POU6F2: variants seen among roughly 807,000 people sequenced by gnomAD.
POU6F2 encodes POU domain, class 6, transcription factor 2.
In POU6F2, 31 loss-of-function variants were observed where a neutral mutation model predicts 71.3. The observed-to-expected ratio is 0.43, with a 90% CI of 0.33 to 0.59. The LOEUF (loss-of-function observed/expected upper bound fraction) is 0.59, where lower values mean the gene tolerates loss of function less well. Ranked by LOEUF, POU6F2 falls within the 20% of genes least tolerant of loss-of-function variation. The pLI, the probability that POU6F2 is intolerant of heterozygous loss-of-function variation, is 0.04. For missense variants in POU6F2, 783 were observed against 856.8 expected (o/e 0.91, Z 1.07); for synonymous variants, 347 against 355.7 (o/e 0.98, Z 0.27).
rs376607540 is a variant in POU6F2, at chr7:39,222,355, T to C, written c.598+14735T>C. 1.8e-3 allele frequency among the ~76,000 whole-genome samples: 270 copies of C among 152,346 alleles called. 2 individuals are homozygous for C. Among genetic ancestry groups the C allele is most frequent in the African/African-American group, 6.1e-3 (253 of 41,580 alleles). On this transcript the variant is annotated intron_variant, in intron 4 of 9. Transcript: ENST00000518318. ...ATTCAGTCTGGTCTAGTTAGAGAAGTTGACAAAAGGAAGAGAAGAGACTTT... is the reference window on the plus strand; with the variant it reads ...ATTCAGTCTGGTCTAGTTAGAGAAGCTGACAAAAGGAAGAGAAGAGACTTT...
intron 1 of POU6F2, among the ~76,000 whole-genome samples, chr7:39,009,256 T>G (rs1340899286): frequency 6.6e-6 from 1 of 151,748 alleles, no homozygotes; most frequent in Non-Finnish European, 1.5e-5. Flanking sequence ...GTAAGTTGGA[T>G]TCCTAAGTAT....
At chr7:39,337,915 A>C (rs1785813753) in intron 4 of POU6F2, among the ~76,000 whole-genome samples, 1 of 152,208 alleles carries the variant, frequency 6.6e-6, no homozygotes, top group Non-Finnish European at 1.5e-5. Context: ...ATTTGGGACC[A>C]AGGCTCATTA....
intron 6 of POU6F2, among the ~76,000 whole-genome samples, chr7:39,427,872 A>T (rs1040948268): frequency 7.9e-5 from 12 of 152,216 alleles, no homozygotes; most frequent in Admixed American, 1.3e-4. Flanking sequence ...ACTTGTCTGA[A>T]TGCCCTGGGC....
intron 6 of POU6F2, among the ~76,000 whole-genome samples, chr7:39,418,358 A>G (rs985667949): frequency 2.0e-5 from 3 of 152,330 alleles, no homozygotes; most frequent in Admixed American, 2.0e-4. Flanking sequence ...ATTTTGCACT[A>G]TCATCTCTAA....
intron 2 of POU6F2, among the ~76,000 whole-genome samples, chr7:39,176,382 C>T (rs1287825115): frequency 3.9e-5 from 6 of 152,190 alleles, no homozygotes. Context: ...TTTAATGCTA[C>T]AAATAATGAG....
intron 4 of POU6F2, among the ~76,000 whole-genome samples, chr7:39,212,572 A>G (rs1360406038): frequency 2.6e-5 from 4 of 152,108 alleles, no homozygotes; most frequent in East Asian, 3.9e-4. Flanking sequence ...ATCCATCATC[A>G]GCTACACTGG....
intron 2 of POU6F2, among the ~76,000 whole-genome samples, chr7:39,178,368 TG>T (rs1793371573): frequency 6.6e-6 from 1 of 152,212 alleles, no homozygotes; most frequent in African/African-American, 2.4e-5. Context: ...ATGCCCCTAT[TG>T]AATATAGAAA....
At chr7:39,130,146 A>T (rs1792236835) in intron 2 of POU6F2, among the ~76,000 whole-genome samples, 1 of 75,910 alleles carries the variant, frequency 1.3e-5, no homozygotes. Flanking sequence ...AGAAAGGGGT[A>T]GGTGTGTGTG....
chr7:38,994,194 T>C (rs1379055102), intron 1 of POU6F2, among the ~76,000 whole-genome samples: 2 of 151,898 alleles, frequency 1.3e-5, no homozygotes, highest in East Asian at 1.9e-4. Flanking sequence ...AACCTGGAAA[T>C]TGGAAACAGA....
chr7:39,227,944 A>C (rs1487163277), intron 4 of POU6F2, among the ~76,000 whole-genome samples: 1 of 152,066 alleles, frequency 6.6e-6, no homozygotes, highest in African/African-American at 2.4e-5. Context: ...GTGGTAGGGA[A>C]ACCCTTTGTG....
chr7:39,377,878 G>A (rs1456889988), intron 5 of POU6F2, among the ~76,000 whole-genome samples: 1 of 152,148 alleles, frequency 6.6e-6, no homozygotes, highest in Non-Finnish European at 1.5e-5. Context: ...ACCTGCATAA[G>A]AGCCACAAAA....
chr7:39,418,688 T>C (rs1050537479), intron 6 of POU6F2, among the ~76,000 whole-genome samples: 7 of 145,162 alleles, frequency 4.8e-5, no homozygotes, highest in Non-Finnish European at 7.5e-5. Flanking sequence ...AGACTCTGTC[T>C]CAAAAAAAAA....
chr7:39,451,748 T>C, intron 8 of POU6F2, 47 bp downstream of exon 8: 1 of 1,503,326 alleles, frequency 6.7e-7, no homozygotes. Context: ...GCCTTCTTGT[T>C]GCCTATTTGC....
chr7:39,117,244 G>A (rs1440853627), intron 2 of POU6F2, among the ~76,000 whole-genome samples: 1 of 152,150 alleles, frequency 6.6e-6, no homozygotes, highest in Non-Finnish European at 1.5e-5. Flanking sequence ...GGGGTGTCGA[G>A]CAAGGGAAGA....
intron 4 of POU6F2, among the ~76,000 whole-genome samples, chr7:39,276,666 T>C (rs1404979779): frequency 6.6e-6 from 1 of 151,766 alleles, no homozygotes; most frequent in Non-Finnish European, 1.5e-5. Context: ...TGTCCAACAA[T>C]GATAGACTGG....
chr7:39,122,769 G>A (rs1426899248), intron 2 of POU6F2, among the ~76,000 whole-genome samples: 7 of 149,044 alleles, frequency 4.7e-5, no homozygotes, highest in East Asian at 2.0e-4. Context: ...GTACAGTAGC[G>A]TGATCTCGGC....
At chr7:39,027,430 AG>A (rs1789836237) in intron 1 of POU6F2, among the ~76,000 whole-genome samples, 1 of 152,136 alleles carries the variant, frequency 6.6e-6, no homozygotes. Flanking sequence ...ATTGCCCACA[AG>A]GGCTTTTAAA....
intron 6 of POU6F2, among the ~76,000 whole-genome samples, chr7:39,420,284 TGAAA>T (rs1305417654): frequency 6.6e-6 from 1 of 152,214 alleles, no homozygotes; most frequent in Non-Finnish European, 1.5e-5. Context: ...GTAACATTAC[TGAAA>T]GAAAGAATGT....
At chr7:39,278,143 G>C (rs1784492479) in intron 4 of POU6F2, among the ~76,000 whole-genome samples, 1 of 151,650 alleles carries the variant, frequency 6.6e-6, no homozygotes, top group African/African-American at 2.4e-5. Flanking sequence ...AAATGGTGGG[G>C]GACGTAGATG....
Sources: gnomAD v4.1 joint callset for allele counts (sites outside exome capture counted in the v4.1 genomes callset) on GRCh38, gnomAD v4.1.1 for gene constraint, MANE v1.5 for transcripts, NCBI Gene and HGNC (gene_info 2026-07-23, HGNC 2026-07-21) for gene names.